MYSM1: variants seen among roughly 807,000 people sequenced by gnomAD.
MYSM1 encodes deubiquitinase MYSM1.
A neutral mutation model predicts 116.0 loss-of-function variants in MYSM1; 51 were observed. That is an observed-to-expected ratio of 0.44 (90% CI 0.35 to 0.56). MYSM1 has a LOEUF of 0.56. Among genes scored for constraint, MYSM1 ranks in the 20% least tolerant of loss-of-function variants. The pLI is 0.00. For synonymous variants in MYSM1, 313 were observed against 315.2 expected (o/e 0.99, Z 0.07); for missense variants, 900 against 974.9 (o/e 0.92, Z 1.02).
At position 58,696,428 on chromosome 1, in the gene MYSM1, C is replaced by T. The variant is rs188098933; in HGVS notation, c.69-1221G>A. On this transcript the variant is annotated intron_variant, in intron 1 of 19. Transcript: ENST00000472487. Reference sequence around the variant, plus strand: ...ATCACCTTTCCTCCCAAATCTGCTACTCTTCTATTGTTCACCATCTCACTC... The same window carrying T: ...ATCACCTTTCCTCCCAAATCTGCTATTCTTCTATTGTTCACCATCTCACTC... 8.9e-4 allele frequency among the ~76,000 whole-genome samples: 136 copies of T among 152,284 alleles called. 2 individuals are homozygous for T. In the South Asian group the frequency reaches 0.012, roughly 14 times the overall value.
chr1:58,678,265 C>T lies in MYSM1; in HGVS notation c.1260-1209G>A, dbSNP rs374791178. On this transcript the variant is annotated intron_variant, in intron 8 of 19. Transcript: ENST00000472487. ...GAGGGTACCACACCTTCCATAGAAA[C>T]GTTGAGATTTCAGTGTGTCTTGCAA... Among the ~76,000 whole-genome samples the T allele has an allele frequency of 5.1e-4, 78 of 152,066 alleles. 2 individuals carry two copies. In the South Asian group the frequency reaches 0.015, roughly 29 times the overall value.
intron 11 of MYSM1, among the ~76,000 whole-genome samples, chr1:58,673,058 G>T (rs1211971943): frequency 6.6e-6 from 1 of 152,028 alleles, no homozygotes; most frequent in African/African-American, 2.4e-5. Flanking sequence ...TTTGAGGGAG[G>T]TATTATTATT....
intron 6 of MYSM1, among the ~76,000 whole-genome samples, chr1:58,686,568 A>G (rs1644830519): frequency 6.6e-6 from 1 of 152,256 alleles, no homozygotes; most frequent in South Asian, 2.1e-4. Context: ...GATACTCATT[A>G]GAAAATATGA....
chr1:58,656,537 C>T lies in MYSM1; in HGVS notation c.*3460G>A, dbSNP rs1449321382. 1 of 152,156 alleles carries T rather than the reference C, an allele frequency of 6.6e-6. No individual in the cohort carries two copies. The highest frequency in any genetic ancestry group is 1.5e-5 in the Non-Finnish European group (1 of 68,008). 9.4% of individuals were successfully genotyped at this position (152,156 alleles called of 1,614,324 possible). A position where few individuals can be genotyped will look rare whatever the true frequency, so the allele number is the denominator to read the frequency against. Reference sequence around the variant, plus strand: ...AAACAAAAATATCTGAAGACTAAAACAAACCACTGCCTCCTATCTTTTTTG... The same window carrying T: ...AAACAAAAATATCTGAAGACTAAAATAAACCACTGCCTCCTATCTTTTTTG... On this transcript the variant is annotated 3_prime_UTR_variant, in exon 20 of 20. Transcript: ENST00000472487.
At chr1:58,665,202 T>C (rs1278660357) in intron 17 of MYSM1, among the ~76,000 whole-genome samples, 1 of 152,226 alleles carries the variant, frequency 6.6e-6, no homozygotes, top group Non-Finnish European at 1.5e-5. Flanking sequence ...AGAGACTGTT[T>C]TGTTTACTGC....
At position 58,661,182 on chromosome 1, in the gene MYSM1, AGT is replaced by A; in HGVS notation, c.2314_2315del (p.Thr772LeufsTer23). ...DKIFRRDSDL[T>X]CLQKLLECMR... is the part of the protein sequence containing the mutation. ...GAAGACAGCTTACTTTCTGCAAACA[AGT>A]CAGGTCAGAATCCCGGCGAAAGATT... On this transcript the variant is annotated frameshift_variant, in exon 19 of 20. Coordinates refer to ENST00000472487, the MANE Select transcript of MYSM1 (RefSeq NM_001085487.3). LOFTEE classifies it high-confidence loss of function. 6.2e-7 allele frequency: 1 copy of A among 1,613,048 alleles called. No individual in the cohort carries two copies. The highest frequency in any genetic ancestry group is 8.5e-7 in the Non-Finnish European group (1 of 1,179,160).
At position 58,667,030 on chromosome 1, in the gene MYSM1, T is replaced by C. The variant is rs201679870; in HGVS notation, c.2031+8A>G. ...ACCATTTACAGAATATAAATATACA[T>C]GTAATACCTGGTATTTAGCTTGTGT... On this transcript the variant is annotated splice_region_variant and intron_variant, in intron 16 of 19. Transcript: ENST00000472487. 6,243 of 1,578,272 alleles carry C rather than the reference T, an allele frequency of 4.0e-3. 257 individuals are homozygous for C. In the South Asian group the frequency reaches 0.066, roughly 17 times the overall value.
Position 58,696,275 on chromosome 1 carries a change from A to C in MYSM1, c.69-1068T>G, listed in dbSNP as rs575882027. On this transcript the variant is annotated intron_variant, in intron 1 of 19. Transcript: ENST00000472487. ...CAGAAAATAGAACCACTATCATTTC[A>C]AATTCACTGTAGAAATCTTTTTATT... 3.9e-5 allele frequency among the ~76,000 whole-genome samples: 6 copies of C among 152,332 alleles called. No homozygotes were observed. The East Asian group carries it at 1.2e-3, about 29-fold the overall frequency.
chr1:58,684,100 C>T (rs1407821282), intron 7 of MYSM1, among the ~76,000 whole-genome samples: 2 of 152,034 alleles, frequency 1.3e-5, no homozygotes, highest in African/African-American at 2.4e-5. Context: ...AGCATACAAT[C>T]GATGTATGAT....
chr1:58,680,923 G>A (rs1229170445), intron 8 of MYSM1, among the ~76,000 whole-genome samples: 1 of 151,646 alleles, frequency 6.6e-6, no homozygotes, highest in East Asian at 1.9e-4. Flanking sequence ...CCAGGTTCAA[G>A]AGATTCTCCT....
At chr1:58,699,776 C>T in intron 1 of MYSM1, 1 of 985,414 alleles carries the variant, frequency 1.0e-6, no homozygotes, top group Non-Finnish European at 1.2e-6. Context: ...GAAAGCGACC[C>T]AGGAGTACCT....
At chr1:58,678,473 T>A (rs918995876) in intron 8 of MYSM1, among the ~76,000 whole-genome samples, 1 of 152,096 alleles carries the variant, frequency 6.6e-6, no homozygotes, top group Non-Finnish European at 1.5e-5. Context: ...TCTAAAAATA[T>A]GTTCATGGAA....
In MYSM1 at chr1:58,685,266, TG is replaced by T. The variant is rs111596168; in HGVS notation, c.400-16del. ...CCAAATTTAGCCTGTATTATTAAAA[TG>T]GGAAAAAAAATTGCTTTTGATGAAT... is the stretch of plus-strand genomic sequence containing the variant. On this transcript the variant is annotated splice_polypyrimidine_tract_variant and intron_variant, in intron 6 of 19. Transcript: ENST00000472487. 169 of 1,574,408 alleles carry T rather than the reference TG, an allele frequency of 1.1e-4. No homozygotes were observed. Among genetic ancestry groups the T allele is most frequent in the Admixed American group, 3.0e-4 (16 of 54,012 alleles).
chr1:58,667,539 T>C (rs949748600), intron 15 of MYSM1, among the ~76,000 whole-genome samples: 4 of 152,128 alleles, frequency 2.6e-5, no homozygotes, highest in Non-Finnish European at 5.9e-5. Context: ...AACAGAATGA[T>C]GCATACAAAC....
rs1644455517 is a variant in MYSM1, at chr1:58,665,593, C to T, written c.2070G>A (p.Met690Ile). The change falls in exon 17 of 20, where the codon ATG (methionine) becomes ATA (isoleucine). Residue 690 changes from methionine (M) to isoleucine (I), a missense_variant. This residue lies in a region of MYSM1 where 186 missense variants were observed against 196.2 expected (regional missense o/e 0.95). Transcript: ENST00000472487. ...TATTTCGATTATAGGGACTAACAAT[C>T]ATCCCAATGAACTTTGCACCTCCTC... ...FSRGGAKFIG[M>I]IVSPYNRNNP... 2 of 1,583,420 alleles carry T rather than the reference C, an allele frequency of 1.3e-6. No homozygotes were observed. The highest frequency in any genetic ancestry group is 1.3e-5 in the African/African-American group (1 of 74,368).
intron 1 of MYSM1, among the ~76,000 whole-genome samples, chr1:58,696,442 A>G (rs960203404): frequency 2.0e-5 from 3 of 152,112 alleles, no homozygotes; most frequent in African/African-American, 7.2e-5. Flanking sequence ...TCTATTGTTC[A>G]CCATCTCACT....
intron 3 of MYSM1, among the ~76,000 whole-genome samples, chr1:58,692,147 A>G (rs1047213460): frequency 3.3e-5 from 5 of 152,202 alleles, no homozygotes; most frequent in African/African-American, 1.2e-4. Context: ...GGGTTAACCT[A>G]TGATAATTAA....
At chr1:58,671,537 AC>A (rs1464762710) in intron 12 of MYSM1, among the ~76,000 whole-genome samples, 6 of 152,162 alleles carry the variant, frequency 3.9e-5, no homozygotes, top group African/African-American at 1.4e-4. Flanking sequence ...CCATGCAACA[AC>A]TTGCTAACAA....
rs757465353 is a variant in MYSM1 at position 58,671,970 on chromosome 1, T to A, written c.1573-12A>T. 8 of 1,608,382 alleles carry A rather than the reference T, an allele frequency of 5.0e-6. No homozygotes were observed. In the Admixed American group the frequency reaches 1.3e-4, roughly 27 times the overall value. On this transcript the variant is annotated splice_polypyrimidine_tract_variant and intron_variant, in intron 11 of 19. Transcript: ENST00000472487. The stretch of plus-strand genomic sequence containing the variant: ...TCAGCAGAGAGATGCTAAAACAAAA[T>A]GCCAATTGATTAAGGAGTCCATCAT...
Sources: gnomAD v4.1 joint callset for allele counts (sites outside exome capture counted in the v4.1 genomes callset) on GRCh38, gnomAD v4.1.1 for gene constraint, gnomAD v4.1.1 regional missense constraint, MANE v1.5 for transcripts, NCBI Gene and HGNC (gene_info 2026-07-23, HGNC 2026-07-21) for gene names.